SLC7A14: variants seen among roughly 807,000 people sequenced by gnomAD.
SLC7A14 encodes the protein gamma-aminobutyric acid transporter SLC7A14.
SLC7A14 carries 37 observed loss-of-function variants against 60.2 expected under a neutral mutation model. The observed-to-expected ratio is 0.61, with a 90% CI of 0.47 to 0.81. SLC7A14 has a LOEUF of 0.81. Among genes scored for constraint, SLC7A14 ranks in the 30% least tolerant of loss-of-function variants. SLC7A14 has a pLI of 0.00. For synonymous variants in SLC7A14, 399 were observed against 395.8 expected (o/e 1.01, Z -0.10); for missense variants, 886 against 982.7 (o/e 0.90, Z 1.32).
Position 170,521,416 on chromosome 3 carries a change from T to C in SLC7A14, c.304+5217A>G, listed in dbSNP as rs151112005. Among the ~76,000 whole-genome samples the C allele has an allele frequency of 3.3e-5, 5 of 152,310 alleles. No individual in the cohort carries two copies. The East Asian group carries it at 9.6e-4, about 29-fold the overall frequency. ...TAGAATTAGAATTCCCTGGGGAACT[T>C]TAAAAATTCCAATCCCTGGACCAAT... On this transcript the variant is annotated intron_variant, in intron 2 of 7. Transcript: ENST00000231706.
At chr3:170,468,813 C>T (rs1739797189) in intron 7 of SLC7A14, among the ~76,000 whole-genome samples, 1 of 152,184 alleles carries the variant, frequency 6.6e-6, no homozygotes, top group Non-Finnish European at 1.5e-5. Context: ...TAGCAACCCT[C>T]TTAACATGGG....
At chr3:170,548,307 T>TA (rs374622749) in intron 1 of SLC7A14, among the ~76,000 whole-genome samples, 2,117 of 149,176 alleles carry the variant, frequency 0.014, 47 homozygotes, top group African/African-American at 0.046. Flanking sequence ...TAACAGACAT[T>TA]AAAAAAAAAA....
At chr3:170,578,511 A>G (rs1047880583) in intron 1 of SLC7A14, among the ~76,000 whole-genome samples, 1 of 152,236 alleles carries the variant, frequency 6.6e-6, no homozygotes, top group Non-Finnish European at 1.5e-5. Flanking sequence ...ATGGTAGCAC[A>G]AACTTGTTAC....
chr3:170,520,363 T>C (rs968968), intron 2 of SLC7A14, among the ~76,000 whole-genome samples: 109,335 of 152,108 alleles, frequency 0.72, 39,463 homozygotes, highest in Middle Eastern at 0.79. Flanking sequence ...GTTGCCACTA[T>C]GACCATTACA....
intron 2 of SLC7A14, among the ~76,000 whole-genome samples, chr3:170,517,706 GGAGAGA>G (rs1560266865): frequency 2.0e-5 from 3 of 152,152 alleles, no homozygotes; most frequent in Non-Finnish European, 2.9e-5. Flanking sequence ...GGGAACCTGT[GGAGAGA>G]CATCTGCTCA....
At chr3:170,555,723 G>T (rs143517227) in intron 1 of SLC7A14, among the ~76,000 whole-genome samples, 2 of 152,108 alleles carry the variant, frequency 1.3e-5, no homozygotes, top group Admixed American at 1.3e-4. Context: ...ATGTAGAAAA[G>T]TTACAGTAAA....
chr3:170,495,512 T>G, intron 4 of SLC7A14: 1 of 760,860 alleles, frequency 1.3e-6, no homozygotes, highest in South Asian at 1.6e-5. Flanking sequence ...GCAGCCGCTT[T>G]TACACGAATG....
intron 1 of SLC7A14, among the ~76,000 whole-genome samples, chr3:170,571,424 A>T (rs1714952700): frequency 6.6e-6 from 1 of 152,214 alleles, no homozygotes; most frequent in Non-Finnish European, 1.5e-5. Flanking sequence ...AGTAAGTTAT[A>T]TTATGTTGGT....
chr3:170,482,777 T>C (rs1451683674), intron 6 of SLC7A14, among the ~76,000 whole-genome samples: 4 of 152,228 alleles, frequency 2.6e-5, no homozygotes, highest in Non-Finnish European at 4.4e-5. Context: ...AAAATAGAGT[T>C]ACTGTGAGGA....
chr3:170,563,553 G>A (rs1428917106), intron 1 of SLC7A14, among the ~76,000 whole-genome samples: 1 of 151,738 alleles, frequency 6.6e-6, no homozygotes. Flanking sequence ...GAGTAGCTGG[G>A]ATTACAGGCA....
intron 4 of SLC7A14, chr3:170,496,651 C>T: frequency 3.0e-6 from 4 of 1,342,696 alleles, no homozygotes; most frequent in Non-Finnish European, 2.1e-6. Context: ...GTCTGGGATG[C>T]AGAACACGAG....
intron 2 of SLC7A14, among the ~76,000 whole-genome samples, chr3:170,526,055 C>T (rs1302012984): frequency 6.6e-6 from 1 of 150,668 alleles, no homozygotes; most frequent in Non-Finnish European, 1.5e-5. Flanking sequence ...CCAGTCTGGG[C>T]GACAGAGCAA....
chr3:170,505,553 G>A (rs1476929816), intron 2 of SLC7A14, among the ~76,000 whole-genome samples: 1 of 152,146 alleles, frequency 6.6e-6, no homozygotes, highest in East Asian at 1.9e-4. Flanking sequence ...TACCAAAAAT[G>A]AATTTGGGTG....
At chr3:170,541,441 A>G (rs1401613977) in intron 1 of SLC7A14, among the ~76,000 whole-genome samples, 1 of 148,134 alleles carries the variant, frequency 6.8e-6, no homozygotes, top group African/African-American at 2.4e-5. Context: ...CTATCAAAAG[A>G]AAAAAAAATA....
chr3:170,550,922 T>G (rs1714330090), intron 1 of SLC7A14, among the ~76,000 whole-genome samples: 1 of 152,178 alleles, frequency 6.6e-6, no homozygotes, highest in African/African-American at 2.4e-5. Context: ...TTCATCCTTT[T>G]AAAGTATATA....
intron 2 of SLC7A14, among the ~76,000 whole-genome samples, chr3:170,505,380 A>G (rs1417021485): frequency 6.6e-6 from 1 of 152,218 alleles, no homozygotes; most frequent in African/African-American, 2.4e-5. Context: ...ATGCCCCATC[A>G]TTCACATGTT....
At position 170,459,971 on chromosome 3, in the gene SLC7A14, T is replaced by C. The variant is rs549130892; in HGVS notation, c.*7084A>G. The C allele has an allele frequency of 2.0e-5, 3 of 152,350 alleles. No homozygotes were observed. Among genetic ancestry groups the C allele is most frequent in the African/African-American group, 7.2e-5 (3 of 41,590 alleles). The allele number at this position is 152,350 out of a possible 1,614,324, so 9.4% of individuals were successfully genotyped here. A position where few individuals can be genotyped will look rare whatever the true frequency, so the allele number is the denominator to read the frequency against. On this transcript the variant is annotated 3_prime_UTR_variant, in exon 8 of 8. Coordinates refer to ENST00000231706, the MANE Select transcript of SLC7A14 (RefSeq NM_020949.3). ...TGTTAAATTTAGAATTTTCCCTTAG[T>C]ATCTTGATAAATCAATATATTGTCA...
At chr3:170,490,539 G>C (rs1712184411) in intron 4 of SLC7A14, among the ~76,000 whole-genome samples, 1 of 152,216 alleles carries the variant, frequency 6.6e-6, no homozygotes, top group South Asian at 2.1e-4. Flanking sequence ...CTGGGGACCT[G>C]GGGATGTTTA....
intron 4 of SLC7A14, chr3:170,496,181 C>T: frequency 1.1e-6 from 1 of 902,990 alleles, no homozygotes; most frequent in East Asian, 2.4e-5. Flanking sequence ...CCATGGACAA[C>T]AGCCTCTCCC....
Sources: gnomAD v4.1 joint callset for allele counts (sites outside exome capture counted in the v4.1 genomes callset) on GRCh38, gnomAD v4.1.1 for gene constraint, MANE v1.5 for transcripts, NCBI Gene and HGNC (gene_info 2026-07-23, HGNC 2026-07-21) for gene names.